The following KLHL29 variants were observed in gnomAD, a reference collection of about 807,000 sequenced individuals.
The protein encoded by KLHL29 is kelch like family member 29.
A neutral mutation model predicts 80.4 loss-of-function variants in KLHL29; 21 were observed. The ratio of observed to expected loss-of-function variants is 0.26; its 90% CI spans 0.19 to 0.38. The LOEUF (loss-of-function observed/expected upper bound fraction) is 0.38. Ranked by LOEUF, KLHL29 falls within the 10% of genes least tolerant of loss-of-function variation. The pLI, the probability that KLHL29 is intolerant of heterozygous loss-of-function variation, is 1.00. For missense variants in KLHL29, 867 were observed against 1,223.9 expected (o/e 0.71, Z 4.35); for synonymous variants, 511 against 526.8 (o/e 0.97, Z 0.41).
At chr2:23,400,253 G>A (rs191994473) in intron 1 of KLHL29, among the ~76,000 whole-genome samples, 264 of 152,312 alleles carry the variant, frequency 1.7e-3, no homozygotes, top group African/African-American at 6.1e-3. Context: ...GGAGTAGAGC[G>A]GCCCCTGCCC....
At position 23,696,153 on chromosome 2, in the gene KLHL29, GGGCGGGACCA is replaced by G. The variant is rs1671940748; in HGVS notation, c.1924+24_1924+33del. 1 of 1,547,332 alleles carries G rather than the reference GGGCGGGACCA, an allele frequency of 6.5e-7. No individual in the cohort carries two copies. Among genetic ancestry groups the G allele is most frequent in the African/African-American group, 1.4e-5 (1 of 72,992 alleles). On this transcript the variant is annotated intron_variant, in intron 10 of 13. Coordinates refer to ENST00000486442, the MANE Select transcript of KLHL29 (RefSeq NM_052920.2). This position sits in a 1 kb window ranked among gnomAD's most constrained non-coding sequence, Gnocchi z 5.5. ...TCTCAGGTGAGGCCCCCCGGGGTTG[GGGCGGGACCA>G]GGCATGGGGGTCCCAAGGGGACTGC...
intron 1 of KLHL29, among the ~76,000 whole-genome samples, chr2:23,438,933 C>T (rs1390247272): frequency 6.9e-6 from 1 of 145,652 alleles, no homozygotes; most frequent in Non-Finnish European, 1.5e-5. Flanking sequence ...GTGAATCCAT[C>T]GGGTCCTGGA....
intron 2 of KLHL29, among the ~76,000 whole-genome samples, chr2:23,528,522 C>T (rs1018384591): frequency 1.3e-5 from 2 of 152,174 alleles, no homozygotes; most frequent in African/African-American, 2.4e-5. Context: ...CGAGGCCACG[C>T]GCTCCCTTGC....
At chr2:23,528,705 A>G (rs912755033) in intron 2 of KLHL29, among the ~76,000 whole-genome samples, 1 of 152,198 alleles carries the variant, frequency 6.6e-6, no homozygotes, top group Non-Finnish European at 1.5e-5. Context: ...ATCAATGGGG[A>G]CTGAGCTCAA....
intron 5 of KLHL29, among the ~76,000 whole-genome samples, chr2:23,652,871 T>C (rs1398477017): frequency 6.6e-6 from 1 of 152,194 alleles, no homozygotes; most frequent in Non-Finnish European, 1.5e-5. Flanking sequence ...AGGATCGAGA[T>C]TGTTGGTCAT....
At chr2:23,404,951 T>C (rs1666689498) in intron 1 of KLHL29, among the ~76,000 whole-genome samples, 1 of 152,246 alleles carries the variant, frequency 6.6e-6, no homozygotes, top group South Asian at 2.1e-4. Flanking sequence ...CCTTTATGTA[T>C]GTTACACATA....
rs114796087 is a variant in KLHL29, at chr2:23,417,030, C to T, written c.-154+31250C>T. Among the ~76,000 whole-genome samples, 70 of 152,260 alleles carry T rather than the reference C, an allele frequency of 4.6e-4. 1 individual carries two copies. Among genetic ancestry groups the T allele is most frequent in the African/African-American group, 1.6e-3 (68 of 41,558 alleles). Reference sequence around the variant, plus strand: ...CTCCACCTGGGTTCCTATCTCATGGCCCTGACAGAAGCCTGGGAGCCTTCC... The same window carrying T: ...CTCCACCTGGGTTCCTATCTCATGGTCCTGACAGAAGCCTGGGAGCCTTCC... On this transcript the variant is annotated intron_variant, in intron 1 of 13. Coordinates refer to ENST00000486442, the MANE Select transcript of KLHL29 (RefSeq NM_052920.2).
chr2:23,429,591 A>G (rs6544842), intron 1 of KLHL29, among the ~76,000 whole-genome samples: 69,936 of 151,798 alleles, frequency 0.46, 16,825 homozygotes, highest in African/African-American at 0.61. Flanking sequence ...CGTCTCTACT[A>G]AAAATACAAA....
chr2:23,585,304 C>A (rs918569644), intron 3 of KLHL29, among the ~76,000 whole-genome samples: 2 of 152,226 alleles, frequency 1.3e-5, no homozygotes, highest in African/African-American at 4.8e-5. Flanking sequence ...CTGAAAGATT[C>A]TTGGAGTCTA....
intron 2 of KLHL29, among the ~76,000 whole-genome samples, chr2:23,561,202 C>T (rs1257624659): frequency 1.3e-5 from 2 of 152,188 alleles, no homozygotes; most frequent in Non-Finnish European, 2.9e-5. Flanking sequence ...CCTCTGAGAC[C>T]GACAGCTTCC....
rs1206513719 is a variant in KLHL29, at chr2:23,459,324, G to A, written c.-153-16236G>A. Among the ~76,000 whole-genome samples the A allele has an allele frequency of 3.9e-5, 6 of 152,152 alleles. No homozygotes were observed. The East Asian group carries it at 9.6e-4, about 24-fold the overall frequency. On this transcript the variant is annotated intron_variant, in intron 1 of 13. Transcript: ENST00000486442. ...ATAAGTAGGTGAGATGTACAGATCCGGAGCTCAGAGGAGAGGTGGGACTGG... is the reference window on the plus strand; with the variant it reads ...ATAAGTAGGTGAGATGTACAGATCCAGAGCTCAGAGGAGAGGTGGGACTGG...
chr2:23,420,187 G>A (rs1276669233), intron 1 of KLHL29, among the ~76,000 whole-genome samples: 1 of 152,048 alleles, frequency 6.6e-6, no homozygotes, highest in Non-Finnish European at 1.5e-5. Context: ...CACGGACTCC[G>A]CATCGTCTAT....
At chr2:23,551,736 C>G (rs924836140) in intron 2 of KLHL29, among the ~76,000 whole-genome samples, 2 of 152,210 alleles carry the variant, frequency 1.3e-5, no homozygotes, top group African/African-American at 4.8e-5. Context: ...TGGTGCGTCT[C>G]AAACTTTAAC....
At chr2:23,459,338 A>G (rs910628800) in intron 1 of KLHL29, among the ~76,000 whole-genome samples, 1 of 152,080 alleles carries the variant, frequency 6.6e-6, no homozygotes, top group African/African-American at 2.4e-5. Flanking sequence ...CTCAGAGGAG[A>G]GGTGGGACTG....
At chr2:23,398,302 A>T (rs188048916) in intron 1 of KLHL29, among the ~76,000 whole-genome samples, 1 of 152,370 alleles carries the variant, frequency 6.6e-6, no homozygotes, top group Non-Finnish European at 1.5e-5. Flanking sequence ...AACTTTTGAC[A>T]CACGCTATAG....
intron 2 of KLHL29, among the ~76,000 whole-genome samples, chr2:23,510,919 A>C (rs1339378304): frequency 6.6e-6 from 1 of 152,236 alleles, no homozygotes; most frequent in Non-Finnish European, 1.5e-5. Context: ...GCAGTCAAAC[A>C]GTTTGGCCAA....
At chr2:23,391,728 C>T (rs756922809) in intron 1 of KLHL29, among the ~76,000 whole-genome samples, 15 of 152,172 alleles carry the variant, frequency 9.9e-5, no homozygotes, top group East Asian at 3.8e-4. Flanking sequence ...CATTAGCCAC[C>T]GCGCCCAGCC....
intron 2 of KLHL29, chr2:23,532,595 G>A: frequency 2.2e-6 from 1 of 456,746 alleles, no homozygotes. Context: ...CTTCCTTCAA[G>A]AATGCACCAC....
intron 2 of KLHL29, among the ~76,000 whole-genome samples, chr2:23,536,878 G>T (rs1010753572): frequency 2.0e-5 from 3 of 149,116 alleles, no homozygotes; most frequent in Non-Finnish European, 4.4e-5. Context: ...ACGAAATAGC[G>T]AAAGACAGAT....
Sources: gnomAD v4.1 joint callset for allele counts (sites outside exome capture counted in the v4.1 genomes callset) on GRCh38, gnomAD v4.1.1 for gene constraint, Gnocchi (gnomAD v3.1) non-coding constraint, MANE v1.5 for transcripts, NCBI Gene and HGNC (gene_info 2026-07-23, HGNC 2026-07-21) for gene names.